The following CFAP161 variants were observed in gnomAD, a reference collection of about 807,000 sequenced individuals.
CFAP161 encodes the protein cilia- and flagella-associated protein 161.
In CFAP161, 25 loss-of-function variants were observed where a neutral mutation model predicts 29.0. The observed-to-expected ratio is 0.86, with a 90% CI of 0.63 to 1.20. The LOEUF (loss-of-function observed/expected upper bound fraction) is 1.20, where lower values mean the gene tolerates loss of function less well. Among genes scored for constraint, CFAP161 ranks in the 50% most tolerant of loss-of-function variants. CFAP161 has a pLI of 0.00. For missense variants in CFAP161, 367 were observed against 371.9 expected, an observed-to-expected ratio of 0.99 and a Z score of 0.11; for synonymous variants, 116 against 137.4, an observed-to-expected ratio of 0.84 and a Z score of 1.09.
intron 1 of CFAP161, among the ~76,000 whole-genome samples, chr15:81,120,638 G>T (rs1420967321): frequency 6.6e-6 from 1 of 152,182 alleles, no homozygotes; most frequent in Non-Finnish European, 1.5e-5. Context: ...TGACAAAAAG[G>T]TTGAAGGAGA....
At chr15:81,129,945 C>CT (rs35555346), upstream of CFAP161, among the ~76,000 whole-genome samples, 571 of 110,798 alleles carry the variant, frequency 5.2e-3, 9 homozygotes, top group African/African-American at 0.016. Flanking sequence ...TAATGTAAGG[C>CT]TTTTTTTTTT....
chr15:81,108,971 T>C (rs1469364858), intron 1 of CFAP161, among the ~76,000 whole-genome samples: 1 of 152,104 alleles, frequency 6.6e-6, no homozygotes, highest in Admixed American at 6.6e-5. Flanking sequence ...ATCAGGACTG[T>C]AAGGTGGATG....
intron 3 of CFAP161, among the ~76,000 whole-genome samples, chr15:81,137,696 G>A (rs147465672): frequency 1.3e-5 from 2 of 152,266 alleles, no homozygotes; most frequent in East Asian, 1.9e-4. Context: ...AGAGGGAACC[G>A]TATTAAATGT....
chr15:81,148,482 C>T lies in CFAP161; in HGVS notation c.855C>T (p.Pro285=), dbSNP rs1895048659. Residue 285 remains proline (P), a synonymous_variant, in exon 7 of 7, where the codon CCC becomes CCT. Coordinates refer to ENST00000286732, the MANE Select transcript of CFAP161 (RefSeq NM_173528.4). The stretch of plus-strand genomic sequence containing the variant: ...CCATGTTGGATCTGCCCAAACCACC[C>T]ACAGAGGACACTCGAGCCATGGAGC... ...SSSMLDLPKP[P]TEDTRAMEQA... The T allele has an allele frequency of 6.2e-7, 1 of 1,614,056 alleles. No individual in the cohort carries two copies. The highest frequency in any genetic ancestry group is 1.3e-5 in the African/African-American group (1 of 74,920).
Position 81,146,112 on chromosome 15 carries a change from T to C in CFAP161, c.637-1746T>C, listed in dbSNP as rs1299647145. On this transcript the variant is annotated intron_variant, in intron 5 of 6. Coordinates refer to ENST00000286732, the MANE Select transcript of CFAP161 (RefSeq NM_173528.4). ...CAGATATGATTATAGAGTGCTCTTG[T>C]TTTTGTTTTGACCCCTCATGATCAC... Among the ~76,000 whole-genome samples the C allele has an allele frequency of 3.3e-5, 5 of 152,184 alleles. No homozygotes were observed. The East Asian group carries it at 9.6e-4, about 29-fold the overall frequency.
intron 1 of CFAP161, among the ~76,000 whole-genome samples, chr15:81,125,934 A>G (rs1487873462): frequency 1.3e-5 from 2 of 152,168 alleles, no homozygotes; most frequent in African/African-American, 2.4e-5. Flanking sequence ...CAGTGGCACA[A>G]TCTCAGCTTA....
At chr15:81,133,068 G>T (rs1894733064), upstream of CFAP161, among the ~76,000 whole-genome samples, 1 of 150,654 alleles carries the variant, frequency 6.6e-6, no homozygotes, top group Admixed American at 6.6e-5. Flanking sequence ...ATCCTTCCCA[G>T]TTCAGCTCCA....
At chr15:81,115,867 T>A (rs1173708230) in intron 1 of CFAP161, among the ~76,000 whole-genome samples, 1 of 150,662 alleles carries the variant, frequency 6.6e-6, no homozygotes, top group Non-Finnish European at 1.5e-5. Flanking sequence ...TTTTTTTTTT[T>A]AACAGAGACA....
intron 4 of CFAP161, among the ~76,000 whole-genome samples, chr15:81,139,708 A>C (rs948974990): frequency 2.6e-5 from 4 of 152,186 alleles, no homozygotes; most frequent in African/African-American, 9.7e-5. Context: ...ATAAATGCTT[A>C]AATCTTCCCC....
intron 3 of CFAP161, 56 bp downstream of exon 3, chr15:81,136,804 C>A: frequency 1.4e-6 from 2 of 1,459,748 alleles, no homozygotes; most frequent in Middle Eastern, 1.8e-4. Context: ...TCACTTGTAG[C>A]TTAAAGATTC....
chr15:81,104,724 A>G (rs1894341079), intron 1 of CFAP161, among the ~76,000 whole-genome samples: 1 of 152,216 alleles, frequency 6.6e-6, no homozygotes, highest in East Asian at 1.9e-4. Context: ...GTCAGAGGTT[A>G]TTTCCAATCC....
chr15:81,112,194 G>GC (rs764448915), intron 1 of CFAP161, among the ~76,000 whole-genome samples: 1 of 144,560 alleles, frequency 6.9e-6, no homozygotes, highest in Non-Finnish European at 1.5e-5. Context: ...GCTTCAATCT[G>GC]TTTTTTTTTT....
chr15:81,117,887 C>T, intron 1 of CFAP161: 1 of 396,700 alleles, frequency 2.5e-6, no homozygotes, highest in Non-Finnish European at 4.8e-6. Context: ...TCTTCATCCT[C>T]CTCCTCTTTA....
At position 81,136,535 on chromosome 15, in the gene CFAP161, A is replaced by C. The variant is rs959148390; in HGVS notation, c.179A>C (p.Glu60Ala). ...TTGTAGATGCAACTTTCCGTAACTG[A>C]AGATGGCTATATTCATTACGGTGAC... ...LLRPMQLSVT[E>A]DGYIHYGDKV... The change falls in exon 3 of 7, where the codon GAA (glutamate) becomes GCA (alanine). Residue 60 changes from glutamate (E) to alanine (A), a missense_variant. Physicochemically the swap from Glu to Ala is moderately radical, Grantham distance 107. Transcript: ENST00000286732. 11 of 1,614,190 alleles carry C rather than the reference A, an allele frequency of 6.8e-6. No homozygotes were observed. The highest frequency in any genetic ancestry group is 9.3e-6 in the Non-Finnish European group (11 of 1,180,010).
Position 81,118,085 on chromosome 15 carries a change from T to C in CFAP161, c.-141-9505T>C, listed in dbSNP as rs928796037. On this transcript the variant is annotated intron_variant, in intron 1 of 4. Transcript: ENST00000560091. ...AACTTTTTCAAAGGTTCCAAGGTGC[T>C]GATATCTTTCAGTTTTTTTCCACTT... 5.6e-6 allele frequency: 3 copies of C among 534,018 alleles called. No individual in the cohort carries two copies. The African/African-American group carries it at 5.9e-5, about 10-fold the overall frequency. The allele number at this position is 534,018 out of a possible 1,614,324, so 33.1% of individuals were successfully genotyped here. A position where few individuals can be genotyped will look rare whatever the true frequency, so the allele number is the denominator to read the frequency against.
chr15:81,105,105 CCTTCCTTT>C (rs1477150672), intron 1 of CFAP161, among the ~76,000 whole-genome samples: 1 of 70,062 alleles, frequency 1.4e-5, no homozygotes, highest in Non-Finnish European at 3.1e-5. Context: ...TCCCTCCCTC[CCTTCCTTT>C]CTCCCCCATA....
chr15:81,107,477 C>G (rs1385484422), intron 1 of CFAP161, among the ~76,000 whole-genome samples: 2 of 152,044 alleles, frequency 1.3e-5, no homozygotes, highest in Non-Finnish European at 2.9e-5. Flanking sequence ...TGTAATCCCA[C>G]CACTTTGGGA....
At chr15:81,117,860 C>G (rs2141866787) in intron 1 of CFAP161, 1 of 369,762 alleles carries the variant, frequency 2.7e-6, no homozygotes, top group African/African-American at 2.2e-5. Context: ...TTCTCCTAGT[C>G]CTTCTCATCT....
intron 4 of CFAP161, among the ~76,000 whole-genome samples, chr15:81,139,091 C>T (rs1322648306): frequency 6.6e-6 from 1 of 152,046 alleles, no homozygotes; most frequent in African/African-American, 2.4e-5. Flanking sequence ...CACTTGAGGC[C>T]AGGAGTTGTA....
Sources: gnomAD v4.1 joint callset for allele counts (sites outside exome capture counted in the v4.1 genomes callset) on GRCh38, gnomAD v4.1.1 for gene constraint, MANE v1.5 for transcripts, NCBI Gene and HGNC (gene_info 2026-07-23, HGNC 2026-07-21) for gene names.